RICTOR: variants seen among roughly 807,000 people sequenced by gnomAD.
RICTOR encodes the protein rapamycin-insensitive companion of mTOR.
In RICTOR, 49 loss-of-function variants were observed where a neutral mutation model predicts 214.9. The observed-to-expected ratio is 0.23, with a 90% CI of 0.18 to 0.29. RICTOR has a LOEUF of 0.29. Ranked by LOEUF, RICTOR falls within the 10% of genes least tolerant of loss-of-function variation. The pLI, the probability that RICTOR is intolerant of heterozygous loss-of-function variation, is 1.00. For missense variants in RICTOR, 1,625 were observed against 2,047.0 expected, an observed-to-expected ratio of 0.79 and a Z score of 3.98; for synonymous variants, 717 against 711.3, an observed-to-expected ratio of 1.01 and a Z score of -0.13.
intron 21 of RICTOR, 57 bp from the exon 22 acceptor site, chr5:38,959,378 A>G: frequency 1.0e-6 from 1 of 966,588 alleles, no homozygotes; most frequent in Non-Finnish European, 1.5e-6. Context: ...TGATACATTA[A>G]TTAAACAAAT....
chr5:39,029,606 T>C (rs1372481841), intron 2 of RICTOR, among the ~76,000 whole-genome samples: 1 of 152,190 alleles, frequency 6.6e-6, no homozygotes, highest in African/African-American at 2.4e-5. Flanking sequence ...ATGCACATGC[T>C]ACTTGGGAGT....
intron 2 of RICTOR, among the ~76,000 whole-genome samples, chr5:39,035,966 C>T (rs550889681): frequency 3.6e-4 from 55 of 150,740 alleles, no homozygotes; most frequent in African/African-American, 1.2e-3. Context: ...ACACACAGAA[C>T]GCCACAAAGA....
At chr5:38,954,705 T>C (rs1420133430) in intron 27 of RICTOR, 69 bp downstream of exon 27, 2 of 938,098 alleles carry the variant, frequency 2.1e-6, no homozygotes, top group Non-Finnish European at 1.7e-6. Context: ...GGTAATATTT[T>C]AGCAATGTTA....
intron 8 of RICTOR, among the ~76,000 whole-genome samples, chr5:38,980,521 T>C (rs1751628985): frequency 6.6e-6 from 1 of 152,114 alleles, no homozygotes; most frequent in Admixed American, 6.6e-5. Context: ...CATAAAGGCT[T>C]TGCTAATCCA....
intron 22 of RICTOR, 38 bp from the exon 23 acceptor site, chr5:38,958,869 C>G: frequency 8.0e-7 from 1 of 1,255,906 alleles, no homozygotes. Context: ...AAAAAAAAAA[C>G]TTCAGCATAA....
intron 16 of RICTOR, among the ~76,000 whole-genome samples, chr5:38,964,340 T>C (rs1156242681): frequency 6.6e-6 from 1 of 151,898 alleles, no homozygotes; most frequent in Non-Finnish European, 1.5e-5. Context: ...TCTCCTTTAG[T>C]AGCAGGAGTT....
intron 2 of RICTOR, among the ~76,000 whole-genome samples, chr5:39,068,411 G>A (rs1390653647): frequency 6.6e-6 from 1 of 152,202 alleles, no homozygotes; most frequent in Non-Finnish European, 1.5e-5. Flanking sequence ...AGTGAACTAT[G>A]CAGAGAGGCA....
At chr5:39,053,439 G>A (rs1277445035) in intron 2 of RICTOR, among the ~76,000 whole-genome samples, 1 of 152,044 alleles carries the variant, frequency 6.6e-6, no homozygotes, top group African/African-American at 2.4e-5. Context: ...CTACCACAAC[G>A]GCTCATGTAT....
chr5:38,973,400 T>A (rs748284492), intron 10 of RICTOR, among the ~76,000 whole-genome samples: 1 of 152,118 alleles, frequency 6.6e-6, no homozygotes, highest in Non-Finnish European at 1.5e-5. Flanking sequence ...TAGAATAACA[T>A]AGATGGACTG....
At chr5:39,058,901 T>G (rs953541232) in intron 2 of RICTOR, among the ~76,000 whole-genome samples, 2 of 152,122 alleles carry the variant, frequency 1.3e-5, no homozygotes, top group Non-Finnish European at 2.9e-5. Context: ...CATTAAACAG[T>G]CATTCAAAAA....
rs1188315686 is a variant in RICTOR, at chr5:38,984,656, C to CT, written c.584-2621dup. 8.1e-3 allele frequency among the ~76,000 whole-genome samples: 1,218 copies of CT among 151,002 alleles called. 22 individuals are homozygous for CT. Among genetic ancestry groups the CT allele is most frequent in the African/African-American group, 0.027 (1,115 of 41,154 alleles). ...ATCCTCAATGGTAGGTTTTGGTTCTCTTTTTTTTTAGCTTAAACTTTTGTT... is the reference window on the plus strand; with the variant it reads ...ATCCTCAATGGTAGGTTTTGGTTCTCTTTTTTTTTTAGCTTAAACTTTTGTT... On this transcript the variant is annotated intron_variant, in intron 7 of 37. Coordinates refer to ENST00000357387, the MANE Select transcript of RICTOR (RefSeq NM_152756.5).
chr5:39,053,681 A>C (rs1032676514), intron 2 of RICTOR, among the ~76,000 whole-genome samples: 3 of 152,028 alleles, frequency 2.0e-5, no homozygotes, highest in African/African-American at 4.8e-5. Flanking sequence ...TCACGAGGTC[A>C]GGAGATCGAG....
chr5:39,019,330 G>C (rs948962183), intron 3 of RICTOR, among the ~76,000 whole-genome samples: 2 of 152,100 alleles, frequency 1.3e-5, no homozygotes, highest in African/African-American at 4.8e-5. Flanking sequence ...AGACGCCATC[G>C]AGAACTTTCA....
chr5:38,946,106 G>C (rs1301055990), intron 33 of RICTOR, among the ~76,000 whole-genome samples: 2 of 152,070 alleles, frequency 1.3e-5, no homozygotes, highest in Admixed American at 1.3e-4. Context: ...TCAAAACAAA[G>C]ACCGTGTATT....
In RICTOR at chr5:38,973,081, G is replaced by T. The variant is rs558930305; in HGVS notation, c.890-1122C>A. On this transcript the variant is annotated intron_variant, in intron 10 of 37. Transcript: ENST00000357387. ...GGCAAAACTAAGCCACAAAAATAAT[G>T]GTGGTTCCTTCTTAGGAGTACGGAG... Among the ~76,000 whole-genome samples the T allele has an allele frequency of 7.2e-5, 11 of 152,102 alleles. 1 individual carries two copies. Among genetic ancestry groups the T allele is most frequent in the Middle Eastern group, 3.4e-3 (1 of 294 alleles).
chr5:38,978,683 T>G (rs1751436140), intron 8 of RICTOR, 33 bp from the exon 9 acceptor site: 2 of 1,115,436 alleles, frequency 1.8e-6, no homozygotes, highest in Non-Finnish European at 2.6e-6. Flanking sequence ...AAAAGAGTCT[T>G]TATTTTAAAA....
rs768030162 is a variant in RICTOR, at chr5:38,959,258, C to A, written c.2115G>T (p.Leu705Phe). 10 of 1,599,204 alleles carry A rather than the reference C, an allele frequency of 6.3e-6. No individual in the cohort carries two copies. Among genetic ancestry groups the A allele is most frequent in the Non-Finnish European group, 8.5e-6 (10 of 1,171,630 alleles). ...TAGCCAATCCATCTCTGCTATAGTCCAAGCTAGAAACAGTAAGTTTTAGCA... is the reference window on the plus strand; with the variant it reads ...TAGCCAATCCATCTCTGCTATAGTCAAAGCTAGAAACAGTAAGTTTTAGCA... The part of the protein sequence containing the change: ...DHLLKLTVSS[L>F]DYSRDGLARV... The change falls in exon 22 of 38, where the codon TTG becomes TTT. Residue 705 changes from leucine to phenylalanine, a missense_variant. Physicochemically the swap from Leu to Phe is conservative, Grantham distance 22. Transcript: ENST00000357387.
chr5:39,028,199 T>TG (rs1554074518), intron 2 of RICTOR, among the ~76,000 whole-genome samples: 6 of 142,988 alleles, frequency 4.2e-5, no homozygotes, highest in Non-Finnish European at 6.1e-5. Context: ...TTTTTTTTTT[T>TG]TGAGACGGAG....
chr5:39,035,874 C>A (rs1047073266), intron 2 of RICTOR, among the ~76,000 whole-genome samples: 2 of 152,148 alleles, frequency 1.3e-5, no homozygotes, highest in Non-Finnish European at 2.9e-5. Flanking sequence ...AGAATGGAAC[C>A]AAGTTGGAAA....
Sources: gnomAD v4.1 joint callset for allele counts (sites outside exome capture counted in the v4.1 genomes callset) on GRCh38, gnomAD v4.1.1 for gene constraint, MANE v1.5 for transcripts, NCBI Gene and HGNC (gene_info 2026-07-23, HGNC 2026-07-21) for gene names.